CMKLR2: variants seen among roughly 807,000 people sequenced by gnomAD.
CMKLR2 encodes chemerin chemokine-like receptor 2, also known as chemerin-like receptor 2.
In CMKLR2, 18 loss-of-function variants were observed where a neutral mutation model predicts 23.0. That is an observed-to-expected ratio of 0.78 (90% CI 0.54 to 1.16). CMKLR2 has a LOEUF of 1.16. Ranked by LOEUF, CMKLR2 falls within the 50% of genes most tolerant of loss-of-function variation. The pLI is 0.00. For missense variants in CMKLR2, 401 were observed against 412.7 expected, an observed-to-expected ratio of 0.97 and a Z score of 0.25; for synonymous variants, 158 against 158.9, an observed-to-expected ratio of 0.99 and a Z score of 0.05.
At chr2:206,177,853 C>T (rs1330500197) in intron 1 of CMKLR2, among the ~76,000 whole-genome samples, 1 of 152,142 alleles carries the variant, frequency 6.6e-6, no homozygotes, top group Non-Finnish European at 1.5e-5. Flanking sequence ...TATAATTCTT[C>T]AGTTCGTAAT....
At chr2:206,199,250 T>C (rs1166408817) in intron 1 of CMKLR2, among the ~76,000 whole-genome samples, 2 of 152,122 alleles carry the variant, frequency 1.3e-5, no homozygotes, top group African/African-American at 2.4e-5. Context: ...TACAAAAAAT[T>C]AGCTGGGCGT....
intron 1 of CMKLR2, among the ~76,000 whole-genome samples, chr2:206,189,197 T>C (rs1688673939): frequency 6.6e-6 from 1 of 152,206 alleles, no homozygotes. Flanking sequence ...GGACTTGATA[T>C]TGTGAACTCT....
chr2:206,197,256 C>T (rs1688953108), intron 1 of CMKLR2, among the ~76,000 whole-genome samples: 1 of 152,062 alleles, frequency 6.6e-6, no homozygotes, highest in Non-Finnish European at 1.5e-5. Context: ...CCCACATGCC[C>T]TTTCAGTCTC....
chr2:206,209,129 G>A (rs1336340641), intron 1 of CMKLR2, among the ~76,000 whole-genome samples: 1 of 152,106 alleles, frequency 6.6e-6, no homozygotes, highest in Non-Finnish European at 1.5e-5. Context: ...CTTGAGGCCA[G>A]GAGTCGGAGA....
At chr2:206,179,471 G>A (rs1386066879) in intron 1 of CMKLR2, among the ~76,000 whole-genome samples, 1 of 148,636 alleles carries the variant, frequency 6.7e-6, no homozygotes, top group Non-Finnish European at 1.5e-5. Flanking sequence ...CCACCTCCCG[G>A]GTTCAAGTGA....
At chr2:206,181,537 T>C (rs998441573) in intron 1 of CMKLR2, among the ~76,000 whole-genome samples, 1 of 152,192 alleles carries the variant, frequency 6.6e-6, no homozygotes, top group Non-Finnish European at 1.5e-5. Flanking sequence ...ATTAATAGCC[T>C]TCTGTTGATC....
At chr2:206,210,974 A>G (rs944468270) in intron 1 of CMKLR2, among the ~76,000 whole-genome samples, 2 of 152,144 alleles carry the variant, frequency 1.3e-5, no homozygotes, top group Admixed American at 6.6e-5. Flanking sequence ...CGTCAATTCA[A>G]CTTTGTATTT....
rs1688255642 is a variant in CMKLR2, at chr2:206,177,081, T to C, written c.167A>G (p.Asn56Ser). The change falls in exon 2 of 2, where the codon AAT becomes AGT. Residue 56 changes from asparagine to serine, a missense_variant. Asn to Ser is a conservative substitution (Grantham distance 46, BLOSUM62 1). Transcript: ENST00000621141. ...CCCCGTGAACCAAATGACGATGGCA[T>C]TTCCTGGAATTCCCAGAACAAAAGC... is the stretch of plus-strand genomic sequence containing the variant. Reference protein sequence around the residue: ...CLAFVLGIPGNAIVIWFTGFK... With the variant: ...CLAFVLGIPGSAIVIWFTGFK... The C allele has an allele frequency of 6.2e-7, 1 of 1,614,070 alleles. No individual in the cohort carries two copies.
intron 1 of CMKLR2, among the ~76,000 whole-genome samples, chr2:206,192,212 T>G (rs2105816139): frequency 6.6e-6 from 1 of 151,790 alleles, no homozygotes; most frequent in East Asian, 1.9e-4. Context: ...ACTCCTGATT[T>G]CAAGTGATCT....
intron 1 of CMKLR2, among the ~76,000 whole-genome samples, chr2:206,189,362 C>T (rs949516956): frequency 5.9e-5 from 9 of 152,262 alleles, no homozygotes; most frequent in Non-Finnish European, 8.8e-5. Flanking sequence ...AGGCAGGGAG[C>T]GGTGGCTCAC....
At chr2:206,185,654 G>T (rs1160834635) in intron 1 of CMKLR2, among the ~76,000 whole-genome samples, 1 of 152,176 alleles carries the variant, frequency 6.6e-6, no homozygotes, top group Non-Finnish European at 1.5e-5. Context: ...AGGTATAATG[G>T]TGGGGCAAAC....
chr2:206,202,117 C>T (rs892008342), intron 1 of CMKLR2, among the ~76,000 whole-genome samples: 3 of 152,178 alleles, frequency 2.0e-5, no homozygotes, highest in East Asian at 1.9e-4. Flanking sequence ...GAGTAGGACA[C>T]AGAACTTATG....
At chr2:206,216,712 A>G (rs937730705), upstream of CMKLR2, among the ~76,000 whole-genome samples, 9 of 152,312 alleles carry the variant, frequency 5.9e-5, no homozygotes, top group African/African-American at 2.2e-4. Flanking sequence ...TACAAATAGC[A>G]TTTCTCCACT....
intron 1 of CMKLR2, among the ~76,000 whole-genome samples, chr2:206,202,522 G>C (rs987204042): frequency 6.6e-6 from 1 of 152,062 alleles, no homozygotes; most frequent in East Asian, 1.9e-4. Context: ...GTGCAGTGGC[G>C]CAATAATGGT....
upstream of CMKLR2, among the ~76,000 whole-genome samples, chr2:206,217,093 G>GA (rs537894217): frequency 5.7e-3 from 851 of 148,556 alleles, 8 homozygotes; most frequent in Non-Finnish European, 6.2e-3. Context: ...GTTGTTGTTT[G>GA]AAAAAAAAAA....
At chr2:206,214,012 C>A (rs1235717746), upstream of CMKLR2, among the ~76,000 whole-genome samples, 1 of 151,870 alleles carries the variant, frequency 6.6e-6, no homozygotes, top group African/African-American at 2.4e-5. Flanking sequence ...TACCACCACG[C>A]CCGGTTAATT....
At chr2:206,196,595 T>A (rs1322728230) in intron 1 of CMKLR2, among the ~76,000 whole-genome samples, 2 of 152,178 alleles carry the variant, frequency 1.3e-5, no homozygotes, top group Non-Finnish European at 2.9e-5. Context: ...AAAGCGACTT[T>A]GATTCTTTCT....
chr2:206,205,953 C>T (rs574983575), intron 1 of CMKLR2, among the ~76,000 whole-genome samples: 16 of 152,144 alleles, frequency 1.1e-4, no homozygotes, highest in Non-Finnish European at 2.4e-4. Context: ...CCCGCCTCGG[C>T]CTCCTAAAGT....
At chr2:206,179,582 GC>G (rs1688346866) in intron 1 of CMKLR2, among the ~76,000 whole-genome samples, 1 of 151,954 alleles carries the variant, frequency 6.6e-6, no homozygotes, top group South Asian at 2.1e-4. Context: ...ACCCACCTGG[GC>G]CTCCCAAAGT....
Sources: allele counts gnomAD v4.1 joint callset (sites outside exome capture counted in the v4.1 genomes callset), GRCh38; gene constraint gnomAD v4.1.1; transcripts MANE v1.5; gene names NCBI Gene and HGNC (gene_info 2026-07-23, HGNC 2026-07-21).